The following ZNF33A variants were observed in gnomAD, a reference collection of about 807,000 sequenced individuals.
The protein encoded by ZNF33A is brain my041 protein.
ZNF33A carries 9 observed loss-of-function variants against 15.9 expected under a neutral mutation model. That is an observed-to-expected ratio of 0.57 (90% CI 0.34 to 0.99). The LOEUF (loss-of-function observed/expected upper bound fraction) is 0.99. Ranked by LOEUF, ZNF33A falls within the 50% of genes least tolerant of loss-of-function variation. ZNF33A has a pLI of 0.02. For synonymous variants in ZNF33A, 294 were observed against 324.2 expected, an observed-to-expected ratio of 0.91 and a Z score of 1.00; for missense variants, 843 against 941.6, an observed-to-expected ratio of 0.90 and a Z score of 1.37.
chr10:38,016,775 A>G (rs1352074589), intron 2 of ZNF33A, 96 bp from the exon 3 acceptor site: 3 of 1,402,066 alleles, frequency 2.1e-6, no homozygotes, highest in South Asian at 2.7e-5. Flanking sequence ...CTTTTTCCCT[A>G]AAAGTATAAA....
chr10:38,019,823 T>C (rs2064656265), intron 4 of ZNF33A, among the ~76,000 whole-genome samples: 1 of 152,186 alleles, frequency 6.6e-6, no homozygotes, highest in Non-Finnish European at 1.5e-5. Context: ...GGGATAAATA[T>C]ATTTTTCTCA....
At position 38,045,401 on chromosome 10, in the gene ZNF33A, ACTGATTG is replaced by A. The variant is rs2065905097; in HGVS notation, c.251-8969_251-8963del. ...CTGTTATACTTTGCTGATAGCCGCT[ACTGATTG>A]CTGACGTATTGCTCTATTGTTTTCA... On this transcript the variant is annotated intron_variant, in intron 4 of 4. Transcript: ENST00000432900. 2.0e-5 allele frequency among the ~76,000 whole-genome samples: 3 copies of A among 152,082 alleles called. No individual in the cohort carries two copies. The East Asian group carries it at 5.8e-4, about 29-fold the overall frequency.
intron 4 of ZNF33A, among the ~76,000 whole-genome samples, chr10:38,046,186 AG>A (rs1410776996): frequency 6.6e-6 from 1 of 152,220 alleles, no homozygotes; most frequent in Non-Finnish European, 1.5e-5. Context: ...GGTGGCTTGC[AG>A]GAGATAGATG....
chr10:38,016,974 G>C lies in ZNF33A; in HGVS notation c.113G>C (p.Arg38Thr). 1.2e-6 allele frequency: 2 copies of C among 1,611,478 alleles called. No individual in the cohort carries two copies. The highest frequency in any genetic ancestry group is 1.7e-4 in the Middle Eastern group (1 of 6,056). Residue 38 changes from arginine to threonine, a missense_variant, in exon 3 of 5, where the codon AGA becomes ACA. Physicochemically the swap from Arg to Thr is moderately conservative, Grantham distance 71. Coordinates refer to ENST00000432900, the MANE Select transcript of ZNF33A (RefSeq NM_006954.2). ...HLDPSQRALY[R>T]DVMLENYSNL... is the part of the protein sequence containing the mutation. ...GACCCTAGTCAGAGGGCTCTGTATA[G>C]AGATGTGATGCTGGAGAACTACAGC...
At chr10:38,014,608 T>C in intron 2 of ZNF33A, among the ~76,000 whole-genome samples, 1 of 152,218 alleles carries the variant, frequency 6.6e-6, no homozygotes, top group East Asian at 1.9e-4. Context: ...CACCATCCTT[T>C]CCCCACTGTT....
intron 4 of ZNF33A, among the ~76,000 whole-genome samples, chr10:38,033,711 C>CT (rs369166182): frequency 0.066 from 9,655 of 146,162 alleles, 355 homozygotes; most frequent in Middle Eastern, 0.1. Context: ...TGTTGAACAT[C>CT]TTTTTTTTTT....
At chr10:38,018,047 CTG>C (rs2064548050) in intron 4 of ZNF33A, among the ~76,000 whole-genome samples, 1 of 152,188 alleles carries the variant, frequency 6.6e-6, no homozygotes, top group Non-Finnish European at 1.5e-5. Context: ...TGAGCTGAGA[CTG>C]TGCCACTGCA....
rs755158473 is a variant in ZNF33A, at chr10:38,054,466, G to T, written c.342G>T (p.Leu114=). 6.8e-6 allele frequency: 11 copies of T among 1,610,256 alleles called. No individual in the cohort carries two copies. In the South Asian group the frequency reaches 1.2e-4, roughly 18 times the overall value. ...WEVVFINNEM[L]TKEQGDVIGI... is the part of the protein sequence containing the mutation. ...TTGTATTCATCAATAATGAAATGCT[G>T]ACTAAGGAACAAGGTGATGTAATAG... The change falls in exon 5 of 5, where the codon CTG becomes CTT. Residue 114 remains leucine, a synonymous_variant. Coordinates refer to ENST00000432900, the MANE Select transcript of ZNF33A (RefSeq NM_006954.2).
intron 2 of ZNF33A, among the ~76,000 whole-genome samples, chr10:38,016,512 A>G (rs972138780): frequency 6.6e-6 from 1 of 152,200 alleles, no homozygotes; most frequent in Non-Finnish European, 1.5e-5. Flanking sequence ...TTCCTCAGTT[A>G]AGCTCAAAAC....
intron 4 of ZNF33A, among the ~76,000 whole-genome samples, chr10:38,028,148 G>C (rs2065059116): frequency 6.6e-6 from 1 of 151,974 alleles, no homozygotes; most frequent in South Asian, 2.1e-4. Flanking sequence ...TGCGCTTGTG[G>C]TTCCAGCTAC....
rs1251164404 is a variant in ZNF33A at position 38,010,754 on chromosome 10, A to T, written c.-74A>T. On this transcript the variant is annotated 5_prime_UTR_variant, in exon 1 of 5. The change abolishes an upstream ATG in the 5' untranslated region. Transcript: ENST00000432900. Reference sequence around the variant, plus strand: ...ATTTCAAGGGTCTACGCGCTTTTCTATGGCGAATGCAACCCGACGAGGGAG... The same window carrying T: ...ATTTCAAGGGTCTACGCGCTTTTCTTTGGCGAATGCAACCCGACGAGGGAG... 1.3e-6 allele frequency: 2 copies of T among 1,598,132 alleles called. No homozygotes were observed. The highest frequency in any genetic ancestry group is 1.6e-4 in the Middle Eastern group (1 of 6,082).
chr10:38,066,102 T>C (rs2066707557), downstream of ZNF33A, among the ~76,000 whole-genome samples: 1 of 152,124 alleles, frequency 6.6e-6, no homozygotes. Context: ...CAGAACCCTG[T>C]ATCCCAGAGC....
chr10:38,023,066 C>T (rs1435506432), intron 4 of ZNF33A, among the ~76,000 whole-genome samples: 1 of 152,134 alleles, frequency 6.6e-6, no homozygotes, highest in East Asian at 1.9e-4. Context: ...CTGCGTCAGC[C>T]TCCCAAGTAG....
intron 4 of ZNF33A, among the ~76,000 whole-genome samples, chr10:38,027,118 C>G (rs1004938440): frequency 1.3e-5 from 2 of 152,032 alleles, no homozygotes; most frequent in Non-Finnish European, 2.9e-5. Flanking sequence ...ATTACTGTAG[C>G]TTTCTAATAA....
intron 1 of ZNF33A, among the ~76,000 whole-genome samples, chr10:38,011,108 C>A (rs1054636735): frequency 6.6e-6 from 1 of 152,226 alleles, no homozygotes; most frequent in Non-Finnish European, 1.5e-5. Context: ...GCTAGGGCGC[C>A]GCGGTACGTG....
At position 38,010,736 on chromosome 10, in the gene ZNF33A, G is replaced by C. The variant is rs1227020391; in HGVS notation, c.-92G>C. The C allele has an allele frequency of 1.9e-6, 3 of 1,598,322 alleles. No homozygotes were observed. The highest frequency in any genetic ancestry group is 2.5e-6 in the Non-Finnish European group (3 of 1,179,818). ...GTGGGAGGCGGTCCCGGGATTTCAA[G>C]GGTCTACGCGCTTTTCTATGGCGAA... is the stretch of plus-strand genomic sequence containing the variant. On this transcript the variant is annotated 5_prime_UTR_variant, in exon 1 of 5. Coordinates refer to ENST00000432900, the MANE Select transcript of ZNF33A (RefSeq NM_006954.2).
intron 4 of ZNF33A, among the ~76,000 whole-genome samples, chr10:38,049,827 A>G (rs548430173): frequency 6.6e-6 from 1 of 152,298 alleles, no homozygotes; most frequent in African/African-American, 2.4e-5. Flanking sequence ...TGTTTCATTG[A>G]GAAGATCGAT....
At chr10:38,015,254 C>A (rs1486491119) in intron 2 of ZNF33A, among the ~76,000 whole-genome samples, 3 of 152,040 alleles carry the variant, frequency 2.0e-5, no homozygotes, top group Admixed American at 6.6e-5. Context: ...TTGAACACCA[C>A]TATATTATAA....
Position 38,056,751 on chromosome 10 carries a change from A to G in ZNF33A, c.*191A>G, listed in dbSNP as rs887681956. On this transcript the variant is annotated 3_prime_UTR_variant, in exon 5 of 5. Transcript: ENST00000432900. ...TTTTGGCAAAAATGCAAATAAGGTT[A>G]TGTTAGAATTTACACTGAGGAGAAA... The G allele has an allele frequency of 2.1e-5, 26 of 1,245,560 alleles. No homozygotes were observed. The highest frequency in any genetic ancestry group is 3.8e-5 in the Admixed American group (1 of 26,134). The allele number at this position is 1,245,560 out of a possible 1,614,324, so 77.2% of individuals were successfully genotyped here.
Sources: allele counts gnomAD v4.1 joint callset (sites outside exome capture counted in the v4.1 genomes callset), GRCh38; gene constraint gnomAD v4.1.1; transcripts MANE v1.5; gene names NCBI Gene and HGNC (gene_info 2026-07-23, HGNC 2026-07-21).